The following MATN4 variants were observed in gnomAD, a reference collection of about 807,000 sequenced individuals.
MATN4 encodes matrilin-4.
A neutral mutation model predicts 54.6 loss-of-function variants in MATN4; 40 were observed. The observed-to-expected ratio is 0.73, with a 90% CI of 0.57 to 0.95. The LOEUF (loss-of-function observed/expected upper bound fraction) is 0.95. Ranked by LOEUF, MATN4 falls within the 40% of genes least tolerant of loss-of-function variation. The probability of loss-of-function intolerance (pLI) is 0.00; values close to 1 mark genes in which losing one functional copy is unlikely to be tolerated. For missense variants in MATN4, 810 were observed against 819.1 expected, an observed-to-expected ratio of 0.99 and a Z score of 0.13; for synonymous variants, 351 against 345.3, an observed-to-expected ratio of 1.02 and a Z score of -0.18.
chr20:45,306,378 T>C (rs1432446893), intron 1 of MATN4, among the ~76,000 whole-genome samples: 1 of 152,136 alleles, frequency 6.6e-6, no homozygotes. Flanking sequence ...CCTGCTAGTT[T>C]CTGTGAGCCA....
intron 2 of MATN4, 44 bp downstream of exon 2, chr20:45,305,466 T>G (rs1986547018): frequency 6.8e-7 from 1 of 1,471,930 alleles, no homozygotes; most frequent in African/African-American, 1.4e-5. Flanking sequence ...AGGACCTGCT[T>G]CCGCTCCCCT....
At chr20:45,304,183 T>C in intron 3 of MATN4, 45 bp downstream of exon 3, 1 of 1,405,512 alleles carries the variant, frequency 7.1e-7, no homozygotes, top group East Asian at 2.7e-5. Context: ...ATCCAAGCAT[T>C]TGGATTGAGA....
chr20:45,297,822 C>CT, intron 8 of MATN4, 96 bp downstream of exon 8: 2 of 1,486,182 alleles, frequency 1.3e-6, no homozygotes, highest in Non-Finnish European at 1.9e-6. Flanking sequence ...CAACCTCTGG[C>CT]TATAACTACA....
At position 45,298,528 on chromosome 20, in the gene MATN4, C is replaced by A. The variant is rs912345186; in HGVS notation, c.1068G>T (p.Val356=). ...LVLLVDGSKS[V]RPQNFELVKR... ...TCACTAGCTCGAAGTTTTGTGGACG[C>A]ACGCTCTTGGAGCCATCAACCAGCA... is the stretch of plus-strand genomic sequence containing the variant. Residue 356 remains valine, a synonymous_variant, in exon 7 of 10, where the codon GTG becomes GTT. Coordinates refer to ENST00000372756, the MANE Select transcript of MATN4 (RefSeq NM_001393530.1). This position sits in a 1 kb window ranked among gnomAD's most constrained non-coding sequence, Gnocchi z 4.6. 2.5e-6 allele frequency: 4 copies of A among 1,608,386 alleles called. No homozygotes were observed. Among genetic ancestry groups the A allele is most frequent in the Non-Finnish European group, 3.4e-6 (4 of 1,176,744 alleles).
intron 8 of MATN4, among the ~76,000 whole-genome samples, chr20:45,295,162 T>C (rs1193433296): frequency 6.6e-6 from 1 of 152,034 alleles, no homozygotes; most frequent in Non-Finnish European, 1.5e-5. Flanking sequence ...CCAAAACCAT[T>C]CTCCCCACCA....
Position 45,293,768 on chromosome 20 carries a change from C to A in MATN4, c.1745G>T (p.Ter582LeuextTer49), listed in dbSNP as rs755754966. The part of the protein sequence containing the change: ...DLENQLANQK[*>L] The stretch of plus-strand genomic sequence containing the variant: ...CCGGGTCTGGGCCGTCCGTGGCCCT[C>A]ACTTCTGGTTGGCCAGCTGGTTCTC... Residue 582 changes from the stop codon to leucine, a stop_lost, in exon 10 of 10, where the codon TGA becomes TTA. Transcript: ENST00000372756. 1.6e-5 allele frequency: 26 copies of A among 1,607,268 alleles called. 1 individual carries two copies. The South Asian group carries it at 2.5e-4, about 16-fold the overall frequency.
chr20:45,301,274 G>A (rs760402094), intron 4 of MATN4, 47 bp downstream of exon 4: 16 of 1,613,646 alleles, frequency 9.9e-6, no homozygotes, highest in African/African-American at 6.7e-5. Flanking sequence ...TGGAGCCCTC[G>A]GAGGCCACAG....
intron 6 of MATN4, among the ~76,000 whole-genome samples, chr20:45,300,206 G>A (rs896098352): frequency 1.3e-5 from 2 of 152,198 alleles, no homozygotes; most frequent in South Asian, 2.1e-4. Flanking sequence ...TGCCAAGGCA[G>A]TAAGGGACAG....
chr20:45,303,903 G>A (rs1474920091), intron 3 of MATN4, among the ~76,000 whole-genome samples: 4 of 152,224 alleles, frequency 2.6e-5, no homozygotes, highest in Non-Finnish European at 5.9e-5. Flanking sequence ...CCATGTGGGA[G>A]GGCCACGACT....
At chr20:45,306,276 T>C (rs1187940919) in intron 1 of MATN4, among the ~76,000 whole-genome samples, 1 of 152,180 alleles carries the variant, frequency 6.6e-6, no homozygotes. Context: ...TCCCCCATCA[T>C]ACAGACAATG....
At chr20:45,297,330 C>T (rs1160222459) in intron 8 of MATN4, among the ~76,000 whole-genome samples, 3 of 151,790 alleles carry the variant, frequency 2.0e-5, no homozygotes, top group Non-Finnish European at 2.9e-5. Flanking sequence ...ACACTGCATG[C>T]GATTCAAGAG....
rs1469733680 is a variant in MATN4, at chr20:45,293,678, G to A, written c.*89C>T. 1 of 1,293,356 alleles carries A rather than the reference G, an allele frequency of 7.7e-7. No homozygotes were observed. Among genetic ancestry groups the A allele is most frequent in the African/African-American group, 1.5e-5 (1 of 66,080 alleles). 80.1% of individuals were successfully genotyped at this position (1,293,356 alleles called of 1,614,324 possible). A position where few individuals can be genotyped will look rare whatever the true frequency, so the allele number is the denominator to read the frequency against. ...GACAGCCCAAGCCGGACGGGCCCAG[G>A]TTCTGCCTGGCCCCGGCGCACCGAT... is the stretch of plus-strand genomic sequence containing the variant. On this transcript the variant is annotated 3_prime_UTR_variant, in exon 10 of 10. Coordinates refer to ENST00000372756, the MANE Select transcript of MATN4 (RefSeq NM_001393530.1).
intron 2 of MATN4, 88 bp from the exon 3 acceptor site, chr20:45,304,885 A>G (rs1464908235): frequency 1.3e-6 from 1 of 799,816 alleles, no homozygotes. Context: ...AAATGCCGCT[A>G]TGCCGACATA....
intron 6 of MATN4, among the ~76,000 whole-genome samples, chr20:45,300,030 C>G (rs1986128891): frequency 6.6e-6 from 1 of 151,004 alleles, no homozygotes; most frequent in Non-Finnish European, 1.5e-5. Context: ...GAAAGGTGTG[C>G]CATCTAAGAA....
chr20:45,293,974 C>T lies in MATN4; in HGVS notation c.1621G>A (p.Glu541Lys). Reference sequence around the variant, plus strand: ...TGGAACTCCACGAGGCTTTCGCATTCGCATGGGCTCCGAAGCTCTGTCCCT... The same window carrying T: ...TGGAACTCCACGAGGCTTTCGCATTTGCATGGGCTCCGAAGCTCTGTCCCT... ...SAGTELRSPC[E>K]CESLVEFQGR... is the part of the protein sequence containing the mutation. Residue 541 changes from glutamate (E) to lysine (K), a missense_variant, in exon 9 of 10, where the codon GAA becomes AAA. Coordinates refer to ENST00000372756, the MANE Select transcript of MATN4 (RefSeq NM_001393530.1). The T allele has an allele frequency of 6.2e-7, 1 of 1,603,644 alleles. No individual in the cohort carries two copies. The highest frequency in any genetic ancestry group is 8.5e-7 in the Non-Finnish European group (1 of 1,179,654).
At chr20:45,303,844 C>G (rs542728414) in intron 3 of MATN4, among the ~76,000 whole-genome samples, 79 of 152,284 alleles carry the variant, frequency 5.2e-4, no homozygotes, top group African/African-American at 1.6e-3. Flanking sequence ...CAGAACAGAT[C>G]TTGCAGCATT....
Position 45,300,998 on chromosome 20 carries a change from A to G in MATN4, c.901T>C (p.Cys301Arg). 2 of 1,614,056 alleles carry G rather than the reference A, an allele frequency of 1.2e-6. No individual in the cohort carries two copies. The highest frequency in any genetic ancestry group is 1.7e-6 in the Non-Finnish European group (2 of 1,179,974). Residue 301 changes from cysteine to arginine, a missense_variant, in exon 6 of 10, where the codon TGC becomes CGC. By Grantham distance (180) the Cys-to-Arg change is radical. Transcript: ENST00000372756. ...DGRSCQVRDL[C>R]NGVDHGCEFQ... ...TCACAGCCATGGTCCACGCCATTGCAAAGGTCCCGGACTGAAAGGAGAGAC... is the reference window on the plus strand; with the variant it reads ...TCACAGCCATGGTCCACGCCATTGCGAAGGTCCCGGACTGAAAGGAGAGAC...
chr20:45,297,011 T>G (rs1435671535), intron 8 of MATN4, among the ~76,000 whole-genome samples: 1 of 151,912 alleles, frequency 6.6e-6, no homozygotes, highest in Non-Finnish European at 1.5e-5. Context: ...TTGTATTTTT[T>G]GGTAAAGACA....
chr20:45,301,181 CT>C lies in MATN4; in HGVS notation c.809del (p.Glu270GlyfsTer44). The C allele has an allele frequency of 6.2e-7, 1 of 1,614,204 alleles. No individual in the cohort carries two copies. Among genetic ancestry groups the C allele is most frequent in the Non-Finnish European group, 8.5e-7 (1 of 1,180,030 alleles). ...CSFGNHSCQHECVSTPGGPRC... is the reference protein window; with the variant it reads ...CSFGNHSCQHXCVSTPGGPRC... ...GTGGCCCACCAGGGGTGCTAACACA[CT>C]CATGCTGACAGCTATGGTTCCCAAA... is the stretch of plus-strand genomic sequence containing the variant. On this transcript the variant is annotated frameshift_variant, in exon 5 of 10. Coordinates refer to ENST00000372756, the MANE Select transcript of MATN4 (RefSeq NM_001393530.1). LOFTEE classifies it high-confidence loss of function.
Sources: allele counts gnomAD v4.1 joint callset (sites outside exome capture counted in the v4.1 genomes callset), GRCh38; gene constraint gnomAD v4.1.1; non-coding constraint Gnocchi (gnomAD v3.1); transcripts MANE v1.5; gene names NCBI Gene and HGNC (gene_info 2026-07-23, HGNC 2026-07-21).